The following PCSK2 variants were observed in gnomAD, a reference collection of about 807,000 sequenced individuals.
PCSK2 encodes the protein proprotein convertase subtilisin/kexin type 2.
PCSK2 carries 14 observed loss-of-function variants against 69.7 expected under a neutral mutation model. The observed-to-expected ratio is 0.20, with a 90% CI of 0.13 to 0.31. The LOEUF (loss-of-function observed/expected upper bound fraction) is 0.31. Among genes scored for constraint, PCSK2 ranks in the 10% least tolerant of loss-of-function variants. The pLI is 1.00. For synonymous variants in PCSK2, 307 were observed against 320.7 expected (o/e 0.96, Z 0.46); for missense variants, 544 against 842.5 (o/e 0.65, Z 4.39).
intron 2 of PCSK2, among the ~76,000 whole-genome samples, chr20:17,301,283 A>G (rs1301278733): frequency 6.6e-6 from 1 of 152,200 alleles, no homozygotes; most frequent in East Asian, 1.9e-4. Context: ...CATTGCTAGC[A>G]GCTCTGCTCT....
chr20:17,388,475 G>A (rs1164258336), intron 5 of PCSK2, among the ~76,000 whole-genome samples: 1 of 152,144 alleles, frequency 6.6e-6, no homozygotes, highest in Non-Finnish European at 1.5e-5. Context: ...CTTCAGAGGT[G>A]CTCCCTAAAT....
intron 1 of PCSK2, among the ~76,000 whole-genome samples, chr20:17,243,368 G>GTTTTTAT (rs1986654779): frequency 6.6e-6 from 1 of 151,828 alleles, no homozygotes; most frequent in South Asian, 2.1e-4. Flanking sequence ...ATCTGACTAG[G>GTTTTTAT]TTTTTATTTT....
intron 2 of PCSK2, among the ~76,000 whole-genome samples, chr20:17,263,443 T>C (rs1987470258): frequency 6.6e-6 from 1 of 152,226 alleles, no homozygotes; most frequent in Non-Finnish European, 1.5e-5. Flanking sequence ...AAAGCAAAAG[T>C]TGTGTCTTGT....
intron 6 of PCSK2, among the ~76,000 whole-genome samples, chr20:17,419,780 T>C (rs1024658861): frequency 4.6e-5 from 7 of 152,180 alleles, no homozygotes; most frequent in African/African-American, 1.7e-4. Flanking sequence ...CTGTATTCCA[T>C]TACTGTGCTG....
intron 5 of PCSK2, among the ~76,000 whole-genome samples, chr20:17,381,194 G>T (rs6136081): frequency 0.17 from 26,435 of 152,220 alleles, 3,247 homozygotes; most frequent in East Asian, 0.49. Flanking sequence ...CACAAAGAAA[G>T]AATCTTTAAT....
intron 2 of PCSK2, among the ~76,000 whole-genome samples, chr20:17,278,784 G>T (rs1463807552): frequency 6.6e-6 from 1 of 152,062 alleles, no homozygotes; most frequent in African/African-American, 2.4e-5. Flanking sequence ...GGAGGCCAAG[G>T]TGTGTGGATT....
At chr20:17,343,623 G>T (rs1028101874) in intron 2 of PCSK2, among the ~76,000 whole-genome samples, 7 of 152,234 alleles carry the variant, frequency 4.6e-5, no homozygotes, top group Non-Finnish European at 1.0e-4. Context: ...GGTTTTAGAC[G>T]AAATGAAAGT....
At chr20:17,229,197 C>T (rs116688868) in intron 1 of PCSK2, among the ~76,000 whole-genome samples, 201 of 151,908 alleles carry the variant, frequency 1.3e-3, no homozygotes, top group African/African-American at 4.6e-3. Flanking sequence ...GAGCCTATGG[C>T]CCCGTTGAGG....
At chr20:17,227,755 T>C (rs1462369642) in intron 1 of PCSK2, among the ~76,000 whole-genome samples, 1 of 152,170 alleles carries the variant, frequency 6.6e-6, no homozygotes, top group Non-Finnish European at 1.5e-5. Context: ...CAGGATGCCA[T>C]GCTCCGGGGA....
At chr20:17,364,302 A>G (rs968197004) in intron 4 of PCSK2, among the ~76,000 whole-genome samples, 3 of 152,232 alleles carry the variant, frequency 2.0e-5, no homozygotes, top group African/African-American at 7.2e-5. Flanking sequence ...AGAAAACAGT[A>G]GGAAGGTCCA....
chr20:17,299,476 T>A (rs1164783890), intron 2 of PCSK2, among the ~76,000 whole-genome samples: 1 of 152,178 alleles, frequency 6.6e-6, no homozygotes, highest in African/African-American at 2.4e-5. Flanking sequence ...ACCATATTTT[T>A]AATTTTCCTT....
chr20:17,312,145 G>A (rs1989537932), intron 2 of PCSK2, among the ~76,000 whole-genome samples: 1 of 152,252 alleles, frequency 6.6e-6, no homozygotes, highest in East Asian at 1.9e-4. Context: ...ACATTTTTCA[G>A]GTTTAGAGAC....
intron 1 of PCSK2, among the ~76,000 whole-genome samples, chr20:17,255,504 G>A (rs922568314): frequency 3.9e-5 from 6 of 152,028 alleles, no homozygotes; most frequent in Non-Finnish European, 7.4e-5. Context: ...ACCACGCCCA[G>A]CTAATTTTTT....
At chr20:17,284,348 T>C (rs1442503718) in intron 2 of PCSK2, among the ~76,000 whole-genome samples, 1 of 152,186 alleles carries the variant, frequency 6.6e-6, no homozygotes, top group Non-Finnish European at 1.5e-5. Flanking sequence ...GCCTTATGCT[T>C]TGCTAACTGT....
At chr20:17,237,202 G>A (rs1484662113) in intron 1 of PCSK2, among the ~76,000 whole-genome samples, 3 of 152,174 alleles carry the variant, frequency 2.0e-5, no homozygotes, top group East Asian at 1.9e-4. Context: ...TATGGTTGGT[G>A]AGTGGGATAT....
At chr20:17,316,303 C>T (rs574722634) in intron 2 of PCSK2, among the ~76,000 whole-genome samples, 21 of 152,344 alleles carry the variant, frequency 1.4e-4, no homozygotes, top group Non-Finnish European at 4.4e-5. Flanking sequence ...GTGAAAAACA[C>T]CAAGGGTGCC....
intron 2 of PCSK2, among the ~76,000 whole-genome samples, chr20:17,297,876 C>T (rs1442736385): frequency 6.6e-6 from 1 of 152,102 alleles, no homozygotes; most frequent in East Asian, 1.9e-4. Context: ...AAATAACATA[C>T]AATTGGATTT....
chr20:17,381,393 T>C lies in PCSK2; in HGVS notation c.543+12116T>C, dbSNP rs566586019. Among the ~76,000 whole-genome samples, 3 of 152,322 alleles carry C rather than the reference T, an allele frequency of 2.0e-5. No homozygotes were observed. The South Asian group carries it at 6.2e-4, about 32-fold the overall frequency. On this transcript the variant is annotated intron_variant, in intron 5 of 11. Coordinates refer to ENST00000262545, the MANE Select transcript of PCSK2 (RefSeq NM_002594.5). ...GATGTATTACAGTGTGTAGGAGATG[T>C]TTTCATTAAGCTATGGAAAGAGATG... is the stretch of plus-strand genomic sequence containing the variant.
chr20:17,284,314 A>G (rs1317492665), intron 2 of PCSK2, among the ~76,000 whole-genome samples: 1 of 152,204 alleles, frequency 6.6e-6, no homozygotes, highest in Non-Finnish European at 1.5e-5. Flanking sequence ...CATCACTAAC[A>G]AGGCACATCT....
Sources: allele counts gnomAD v4.1 joint callset (sites outside exome capture counted in the v4.1 genomes callset), GRCh38; gene constraint gnomAD v4.1.1; transcripts MANE v1.5; gene names NCBI Gene and HGNC (gene_info 2026-07-23, HGNC 2026-07-21).